GPHB5: variants seen among roughly 807,000 people sequenced by gnomAD.
The protein encoded by GPHB5 is glycoprotein hormone subunit beta 5.
Under a neutral mutation model 10.1 loss-of-function variants are expected in GPHB5, and 7 were observed. The observed-to-expected ratio is 0.69, with a 90% CI of 0.39 to 1.30. The LOEUF is 1.30. GPHB5 is among the 50% of genes most tolerant of loss of function. The pLI is 0.01. For missense variants in GPHB5, 161 were observed against 169.8 expected, an observed-to-expected ratio of 0.95 and a Z score of 0.29; for synonymous variants, 68 against 70.1, an observed-to-expected ratio of 0.97 and a Z score of 0.15.
In GPHB5 at chr14:63,313,090, A is replaced by C. The variant is rs1053534535; in HGVS notation, c.231T>G (p.Ile77Met). 1.2e-5 allele frequency: 20 copies of C among 1,603,602 alleles called. No individual in the cohort carries two copies. The highest frequency in any genetic ancestry group is 1.7e-5 in the Non-Finnish European group (20 of 1,175,266). ...AGGTACAGACTCGATGATGGGCTTCAATATAGGGGGGTTCCAGAATGGGTT... is the reference window on the plus strand; with the variant it reads ...AGGTACAGACTCGATGATGGGCTTCCATATAGGGGGGTTCCAGAATGGGTT... ...WEKPILEPPY[I>M]EAHHRVCTYN... is the part of the protein sequence containing the mutation. Residue 77 changes from isoleucine (I) to methionine (M), a missense_variant, in exon 3 of 3, where the codon ATT becomes ATG. Coordinates refer to ENST00000621500, the MANE Select transcript of GPHB5 (RefSeq NM_145171.4).
In GPHB5 at chr14:63,313,058, T is replaced by C; in HGVS notation, c.263A>G (p.Glu88Gly). 6.2e-7 allele frequency: 1 copy of C among 1,607,228 alleles called. No individual in the cohort carries two copies. The highest frequency in any genetic ancestry group is 8.5e-7 in the Non-Finnish European group (1 of 1,176,858). The part of the protein sequence containing the change: ...EAHHRVCTYN[E>G]TKQVTVKLPN... ...CAGCTTGACAGTCACCTGTTTGGTC[T>C]CGTTGTAGGTACAGACTCGATGATG... Residue 88 changes from glutamate to glycine, a missense_variant, in exon 3 of 3, where the codon GAG becomes GGG. Physicochemically the swap from Glu to Gly is moderately conservative, Grantham distance 98. Transcript: ENST00000621500.
At chr14:63,313,240 T>A in intron 2 of GPHB5, 124 bp from the exon 3 acceptor site, 1 of 939,902 alleles carries the variant, frequency 1.1e-6, no homozygotes, top group Non-Finnish European at 1.6e-6. Context: ...TGCTCTGTCG[T>A]CTCCCAGTAG....
Position 63,312,842 on chromosome 14 carries a change from G to A in GPHB5, c.*86C>T. 1 of 1,275,576 alleles carries A rather than the reference G, an allele frequency of 7.8e-7. No homozygotes were observed. 79.0% of individuals were successfully genotyped at this position (1,275,576 alleles called of 1,614,324 possible). A position where few individuals can be genotyped will look rare whatever the true frequency, so the allele number is the denominator to read the frequency against. On this transcript the variant is annotated 3_prime_UTR_variant, in exon 3 of 3. Transcript: ENST00000621500. Reference sequence around the variant, plus strand: ...GACAGGTAACCTCCTCCATGGGTGTGGTCGAAATTAAACAGTCTTGCATCC... The same window carrying A: ...GACAGGTAACCTCCTCCATGGGTGTAGTCGAAATTAAACAGTCTTGCATCC...
At chr14:63,317,066 A>G (rs1022130567) in intron 2 of GPHB5, among the ~76,000 whole-genome samples, 2 of 152,202 alleles carry the variant, frequency 1.3e-5, no homozygotes, top group Admixed American at 6.5e-5. Context: ...ATAATTGAAT[A>G]TGAAGGAACT....
Position 63,317,820 on chromosome 14 carries a change from G to T in GPHB5, c.30C>A (p.Pro10=), listed in dbSNP as rs1315694158. The change falls in exon 2 of 3, where the codon CCC becomes CCA. Residue 10 remains proline (P), a synonymous_variant. Coordinates refer to ENST00000621500, the MANE Select transcript of GPHB5 (RefSeq NM_145171.4). MKLAFLFLG[P]MALLLLAGYG... ...AGCCAGCCAGAAGGAGGAGGGCCATGGGGCCAAGGAAGAGGAATGCCAGCT... is the reference window on the plus strand; with the variant it reads ...AGCCAGCCAGAAGGAGGAGGGCCATTGGGCCAAGGAAGAGGAATGCCAGCT... 6.2e-7 allele frequency: 1 copy of T among 1,613,970 alleles called. No individual in the cohort carries two copies. Among genetic ancestry groups the T allele is most frequent in the African/African-American group, 1.3e-5 (1 of 74,952 alleles).
chr14:63,317,746 C>T lies in GPHB5; in HGVS notation c.104G>A (p.Gly35Asp). 1 of 1,614,022 alleles carries T rather than the reference C, an allele frequency of 6.2e-7. No homozygotes were observed. The highest frequency in any genetic ancestry group is 8.5e-7 in the Non-Finnish European group (1 of 1,179,884). The change falls in exon 2 of 3, where the codon GGC becomes GAC. Residue 35 changes from glycine (G) to aspartate (D), a missense_variant. Coordinates refer to ENST00000621500, the MANE Select transcript of GPHB5 (RefSeq NM_145171.4). The stretch of plus-strand genomic sequence containing the variant: ...GAAAGTAAACTCCCTCACGGCACAG[C>T]CCACAAAGGTGCGCAGGTTCCCACT... ...ASSGNLRTFV[G>D]CAVREFTFLA...
chr14:63,318,005 C>T (rs1237393275), intron 1 of GPHB5, among the ~76,000 whole-genome samples, 155 bp from the exon 2 acceptor site: 1 of 152,232 alleles, frequency 6.6e-6, no homozygotes, highest in Non-Finnish European at 1.5e-5. Flanking sequence ...AACTCCAACA[C>T]AGGCATCCAG....
At chr14:63,315,747 T>C (rs886941037) in intron 2 of GPHB5, among the ~76,000 whole-genome samples, 1 of 152,224 alleles carries the variant, frequency 6.6e-6, no homozygotes, top group South Asian at 2.1e-4. Context: ...TCTCATTCTT[T>C]TATTTATTTT....
intron 2 of GPHB5, among the ~76,000 whole-genome samples, chr14:63,315,280 G>A (rs139278631): frequency 2.6e-5 from 4 of 152,108 alleles, no homozygotes; most frequent in South Asian, 2.1e-4. Flanking sequence ...CTACCTTCCC[G>A]TATTTGCTTT....
chr14:63,318,714 C>T (rs1472134733), intron 1 of GPHB5, 110 bp downstream of exon 1: 2 of 152,134 alleles, frequency 1.3e-5, no homozygotes, highest in East Asian at 1.9e-4. Flanking sequence ...GGACCTTTAC[C>T]CCCTACTGAA....
chr14:63,313,115 T>C lies in GPHB5; in HGVS notation c.206A>G (p.Lys69Arg). 1 of 1,583,556 alleles carries C rather than the reference T, an allele frequency of 6.3e-7. No homozygotes were observed. Among genetic ancestry groups the C allele is most frequent in the South Asian group, 1.1e-5 (1 of 86,958 alleles). The change falls in exon 3 of 3, where the codon AAA becomes AGA. Residue 69 changes from lysine to arginine, a missense_variant and splice_region_variant. Physicochemically the swap from Lys to Arg is conservative, Grantham distance 26. Transcript: ENST00000621500. ...AATATAGGGGGGTTCCAGAATGGGT[T>C]TCTGTCCCCATAGATAGAAAACAGA... is the stretch of plus-strand genomic sequence containing the variant. ...ACWGRCETWE[K>R]PILEPPYIEA...
chr14:63,316,690 T>A (rs1882776928), intron 2 of GPHB5, among the ~76,000 whole-genome samples: 1 of 152,284 alleles, frequency 6.6e-6, no homozygotes, highest in Non-Finnish European at 1.5e-5. Flanking sequence ...TAAGGGCTAT[T>A]TGATAAAACC....
chr14:63,316,391 G>A (rs933581427), intron 2 of GPHB5, among the ~76,000 whole-genome samples: 1 of 152,196 alleles, frequency 6.6e-6, no homozygotes, highest in Non-Finnish European at 1.5e-5. Flanking sequence ...TCCAGGGGGA[G>A]GTCCATCCCA....
Position 63,317,756 on chromosome 14 carries a change from T to A in GPHB5, c.94A>T (p.Thr32Ser). ...VLGASSGNLRTFVGCAVREFT... is the reference protein window; with the variant it reads ...VLGASSGNLRSFVGCAVREFT... ...TCCCTCACGGCACAGCCCACAAAGG[T>A]GCGCAGGTTCCCACTGGAGGCACCG... Residue 32 changes from threonine to serine, a missense_variant, in exon 2 of 3, where the codon ACC (threonine) becomes TCC (serine). Thr to Ser is a moderately conservative substitution (Grantham distance 58). Transcript: ENST00000621500. 6.2e-7 allele frequency: 1 copy of A among 1,613,884 alleles called. No individual in the cohort carries two copies. Among genetic ancestry groups the A allele is most frequent in the Non-Finnish European group, 8.5e-7 (1 of 1,179,864 alleles).
At chr14:63,316,020 C>T (rs1182605912) in intron 2 of GPHB5, among the ~76,000 whole-genome samples, 1 of 152,172 alleles carries the variant, frequency 6.6e-6, no homozygotes, top group Non-Finnish European at 1.5e-5. Flanking sequence ...ACACTAGATG[C>T]GAACAGGGAG....
chr14:63,313,041 C>A lies in GPHB5; in HGVS notation c.280G>T (p.Val94Phe). The A allele has an allele frequency of 6.2e-7, 1 of 1,604,944 alleles. No individual in the cohort carries two copies. Among genetic ancestry groups the A allele is most frequent in the Non-Finnish European group, 8.5e-7 (1 of 1,175,720 alleles). The part of the protein sequence containing the change: ...CTYNETKQVT[V>F]KLPNCAPGVD... ...CCCGGGGCACAGTTGGGCAGCTTGA[C>A]AGTCACCTGTTTGGTCTCGTTGTAG... The change falls in exon 3 of 3, where the codon GTC becomes TTC. Residue 94 changes from valine (V) to phenylalanine (F), a missense_variant. Transcript: ENST00000621500.
In GPHB5 at chr14:63,313,075, T is replaced by C. The variant is rs747795920; in HGVS notation, c.246A>G (p.Arg82=). 1.9e-6 allele frequency: 3 copies of C among 1,607,374 alleles called. No individual in the cohort carries two copies. The East Asian group carries it at 6.7e-5, about 36-fold the overall frequency. The change falls in exon 3 of 3, where the codon CGA becomes CGG. Residue 82 remains arginine (R), a synonymous_variant. Coordinates refer to ENST00000621500, the MANE Select transcript of GPHB5 (RefSeq NM_145171.4). Reference sequence around the variant, plus strand: ...GTTTGGTCTCGTTGTAGGTACAGACTCGATGATGGGCTTCAATATAGGGGG... The same window carrying C: ...GTTTGGTCTCGTTGTAGGTACAGACCCGATGATGGGCTTCAATATAGGGGG... ...LEPPYIEAHH[R]VCTYNETKQV...
chr14:63,314,252 C>T (rs1882727462), intron 2 of GPHB5, among the ~76,000 whole-genome samples: 1 of 152,162 alleles, frequency 6.6e-6, no homozygotes, highest in Admixed American at 6.5e-5. Context: ...GCTTGAGTCC[C>T]TGTTCTGCCA....
At chr14:63,318,357 T>C (rs1275492911) in intron 1 of GPHB5, among the ~76,000 whole-genome samples, 1 of 152,202 alleles carries the variant, frequency 6.6e-6, no homozygotes, top group Non-Finnish European at 1.5e-5. Flanking sequence ...GTATTCCCTA[T>C]ATGCATCGTT....
Sources: allele counts gnomAD v4.1 joint callset (sites outside exome capture counted in the v4.1 genomes callset), GRCh38; gene constraint gnomAD v4.1.1; transcripts MANE v1.5; gene names NCBI Gene and HGNC (gene_info 2026-07-23, HGNC 2026-07-21).